Variants in FBLN7 observed in about 807,000 individuals in gnomAD.
FBLN7 encodes fibulin-7.
In FBLN7, 31 loss-of-function variants were observed where a neutral mutation model predicts 44.0. That is an observed-to-expected ratio of 0.70 (90% CI 0.53 to 0.95). The LOEUF is 0.95. Ranked by LOEUF, FBLN7 falls within the 40% of genes least tolerant of loss-of-function variation. FBLN7 has a pLI of 0.00. For synonymous variants in FBLN7, 262 were observed against 253.4 expected, an observed-to-expected ratio of 1.03 and a Z score of -0.32; for missense variants, 573 against 618.5, an observed-to-expected ratio of 0.93 and a Z score of 0.78.
chr2:112,238,233 A>G, the FBLN7 span: 407,662 of 1,379,782 alleles, frequency 0.3, 61,319 homozygotes, highest in African/African-American at 0.4. Flanking sequence ...TAAAGTGCAA[A>G]GAAAAATCCT....
intron 4 of FBLN7, among the ~76,000 whole-genome samples, chr2:112,180,616 G>C (rs1483149871): frequency 6.6e-6 from 1 of 152,128 alleles, no homozygotes; most frequent in Non-Finnish European, 1.5e-5. Context: ...TAACAGACTG[G>C]ATAAAGAAAA....
the FBLN7 span, chr2:112,230,752 G>A: frequency 2.4e-6 from 1 of 409,174 alleles, no homozygotes; most frequent in South Asian, 2.9e-5. Context: ...ATCCATATAG[G>A]TATGTAAATA....
chr2:112,164,239 T>A (rs1209826694), intron 2 of FBLN7, among the ~76,000 whole-genome samples: 1 of 152,194 alleles, frequency 6.6e-6, no homozygotes, highest in Non-Finnish European at 1.5e-5. Flanking sequence ...AAAGATGCAA[T>A]AAATAAGGCT....
chr2:112,205,183 A>G, the FBLN7 span, among the ~76,000 whole-genome samples: 1 of 152,122 alleles, frequency 6.6e-6, no homozygotes, highest in Non-Finnish European at 1.5e-5. Context: ...AATAACTCAA[A>G]TGGCTATAGT....
rs972557124 is a variant in FBLN7, at chr2:112,185,003, C to G, written c.809-198C>G. Among the ~76,000 whole-genome samples the G allele has an allele frequency of 9.9e-5, 15 of 151,822 alleles. 1 individual carries two copies. The South Asian group carries it at 3.1e-3, about 32-fold the overall frequency. ...TACCCCAGGGAAAGAGGACAGGATCCCAGGGAGGGGCACTCCCTGGCATTT... is the reference window on the plus strand; with the variant it reads ...TACCCCAGGGAAAGAGGACAGGATCGCAGGGAGGGGCACTCCCTGGCATTT... On this transcript the variant is annotated intron_variant, in intron 6 of 7. Transcript: ENST00000331203.
At chr2:112,181,968 G>A (rs1683025629) in intron 5 of FBLN7, 92 bp downstream of exon 5, 1 of 1,440,398 alleles carries the variant, frequency 6.9e-7, no homozygotes, top group Non-Finnish European at 9.1e-7. Flanking sequence ...CTGCCGGCAC[G>A]GGTGGCTTCC....
At chr2:112,139,959 CAG>C (rs1680546991) in intron 1 of FBLN7, among the ~76,000 whole-genome samples, 1 of 75,082 alleles carries the variant, frequency 1.3e-5, no homozygotes. Context: ...CTCTCCACGC[CAG>C]TGTCCCTCCC....
chr2:112,210,190 G>A, the FBLN7 span, among the ~76,000 whole-genome samples: 7 of 151,944 alleles, frequency 4.6e-5, no homozygotes, highest in Admixed American at 2.6e-4. Context: ...CAGGGGCATG[G>A]CTCGGTATAC....
intron 2 of FBLN7, among the ~76,000 whole-genome samples, 186 bp downstream of exon 2, chr2:112,160,021 C>T (rs908774127): frequency 5.1e-4 from 78 of 151,908 alleles, no homozygotes; most frequent in Admixed American, 8.5e-4. Context: ...GACGGAGTCT[C>T]GCTCTGTCGC....
chr2:112,238,304 T>C, the FBLN7 span: 9 of 1,609,704 alleles, frequency 5.6e-6, no homozygotes, highest in Non-Finnish European at 7.6e-6. Context: ...ATAAAATAGT[T>C]TGACTCTTAC....
the FBLN7 span, among the ~76,000 whole-genome samples, chr2:112,205,167 T>C: frequency 2.0e-5 from 3 of 152,144 alleles, no homozygotes; most frequent in Middle Eastern, 6.8e-3. Flanking sequence ...GGGCAATCAT[T>C]AACAAAATAA....
the FBLN7 span, among the ~76,000 whole-genome samples, chr2:112,193,934 CT>C: frequency 6.6e-6 from 1 of 152,210 alleles, no homozygotes; most frequent in African/African-American, 2.4e-5. Flanking sequence ...TTGTGTTCTG[CT>C]TATTGCTGCA....
the FBLN7 span, chr2:112,233,203 A>G: frequency 1.3e-5 from 17 of 1,261,366 alleles, no homozygotes; most frequent in African/African-American, 1.6e-5. Context: ...AATTTTGCAC[A>G]TTTAAAATGT....
intron 2 of FBLN7, among the ~76,000 whole-genome samples, chr2:112,163,180 C>T (rs1458480295): frequency 1.3e-5 from 2 of 152,176 alleles, no homozygotes; most frequent in African/African-American, 2.4e-5. Flanking sequence ...TCAAAGAACC[C>T]TAGGTTGTGT....
chr2:112,232,383 T>C, the FBLN7 span, among the ~76,000 whole-genome samples: 4 of 150,330 alleles, frequency 2.7e-5, no homozygotes. Context: ...AAGTATGAGA[T>C]AATAAACTAA....
rs1682151714 is a variant in FBLN7 at position 112,166,240 on chromosome 2, G to T, written c.406+1069G>T. ...TAACTTTCGTATGTTTAGTAGAAAA[G>T]GGATTTCACCATGTTGGCCAGACTG... On this transcript the variant is annotated intron_variant, in intron 3 of 7. Coordinates refer to ENST00000331203, the MANE Select transcript of FBLN7 (RefSeq NM_153214.3). Among the ~76,000 whole-genome samples the T allele has an allele frequency of 3.3e-5, 5 of 152,162 alleles. No individual in the cohort carries two copies. The South Asian group carries it at 1.0e-3, about 32-fold the overall frequency.
chr2:112,199,840 C>A, the FBLN7 span, among the ~76,000 whole-genome samples: 1 of 152,196 alleles, frequency 6.6e-6, no homozygotes, highest in East Asian at 1.9e-4. Context: ...GAGGGAAGGG[C>A]TTTATTATAG....
At chr2:112,182,537 T>C (rs1283852970) in intron 5 of FBLN7, among the ~76,000 whole-genome samples, 1 of 152,004 alleles carries the variant, frequency 6.6e-6, no homozygotes, top group Non-Finnish European at 1.5e-5. Context: ...GTGATGCCTT[T>C]CTAGGGCCTA....
intron 6 of FBLN7, among the ~76,000 whole-genome samples, chr2:112,184,576 C>T (rs547140245): frequency 4.6e-4 from 70 of 151,808 alleles, no homozygotes; most frequent in African/African-American, 1.6e-3. Flanking sequence ...TGTCTGCACT[C>T]GCATGGGGTG....
Sources: allele counts gnomAD v4.1 joint callset (sites outside exome capture counted in the v4.1 genomes callset), GRCh38; gene constraint gnomAD v4.1.1; transcripts MANE v1.5; gene names NCBI Gene and HGNC (gene_info 2026-07-23, HGNC 2026-07-21).